Variants in VTI1A observed in about 807,000 individuals in gnomAD.
The protein encoded by VTI1A is vesicle transport through interaction with t-SNAREs 1A.
In VTI1A, 22 loss-of-function variants were observed where a neutral mutation model predicts 34.9. That is an observed-to-expected ratio of 0.63 (90% CI 0.45 to 0.90). The LOEUF (loss-of-function observed/expected upper bound fraction) is 0.90, where lower values mean the gene tolerates loss of function less well. Among genes scored for constraint, VTI1A ranks in the 40% least tolerant of loss-of-function variants. The probability of loss-of-function intolerance (pLI) is 0.00; values close to 1 mark genes in which losing one functional copy is unlikely to be tolerated. For synonymous variants in VTI1A, 87 were observed against 97.3 expected (o/e 0.89, Z 0.62); for missense variants, 268 against 275.6 (o/e 0.97, Z 0.20).
At chr10:112,460,988 T>C (rs768177597) in intron 2 of VTI1A, among the ~76,000 whole-genome samples, 3 of 152,178 alleles carry the variant, frequency 2.0e-5, no homozygotes, top group East Asian at 1.9e-4. Flanking sequence ...ATTTGCAAAC[T>C]CTCAAGTGAC....
the VTI1A span, among the ~76,000 whole-genome samples, chr10:112,843,717 G>A: frequency 1.3e-5 from 2 of 152,144 alleles, no homozygotes; most frequent in African/African-American, 2.4e-5. Flanking sequence ...CCAGCCTCCT[G>A]GAACTCTGCT....
chr10:112,732,400 A>G (rs115426673), intron 7 of VTI1A, among the ~76,000 whole-genome samples: 1,824 of 152,312 alleles, frequency 0.012, 42 homozygotes, highest in African/African-American at 0.042. Flanking sequence ...GAATAGTCCC[A>G]GAGGGGCTGT....
chr10:112,588,715 C>A (rs1844256801), intron 5 of VTI1A, among the ~76,000 whole-genome samples: 1 of 152,160 alleles, frequency 6.6e-6, no homozygotes, highest in Admixed American at 6.5e-5. Context: ...GCCTTGCAAG[C>A]CCGTATTCCT....
chr10:112,683,625 C>T (rs1247257809), intron 7 of VTI1A, among the ~76,000 whole-genome samples: 1 of 152,174 alleles, frequency 6.6e-6, no homozygotes, highest in African/African-American at 2.4e-5. Context: ...AGTCATGTTT[C>T]AAGTTCAATA....
chr10:112,544,037 T>C (rs1850974754), intron 5 of VTI1A, among the ~76,000 whole-genome samples: 1 of 152,216 alleles, frequency 6.6e-6, no homozygotes, highest in African/African-American at 2.4e-5. Context: ...CATTGGTCTA[T>C]ATCTCTGTTT....
intron 5 of VTI1A, among the ~76,000 whole-genome samples, chr10:112,663,230 T>C (rs1393847842): frequency 2.0e-5 from 3 of 152,226 alleles, no homozygotes; most frequent in Non-Finnish European, 4.4e-5. Context: ...CATTTAATGT[T>C]TGACTGATTT....
intron 5 of VTI1A, among the ~76,000 whole-genome samples, chr10:112,584,507 G>T (rs1844073987): frequency 6.6e-6 from 1 of 152,174 alleles, no homozygotes; most frequent in South Asian, 2.1e-4. Context: ...GCTGACTACT[G>T]GGCATCGCTC....
the VTI1A span, among the ~76,000 whole-genome samples, chr10:112,846,598 C>T: frequency 6.6e-6 from 1 of 152,070 alleles, no homozygotes; most frequent in African/African-American, 2.4e-5. Context: ...AACCCCGTCT[C>T]TACTAAAAGT....
At chr10:112,750,640 C>A (rs943677496) in intron 7 of VTI1A, among the ~76,000 whole-genome samples, 3 of 152,126 alleles carry the variant, frequency 2.0e-5, no homozygotes, top group African/African-American at 7.2e-5. Flanking sequence ...CTCCTACAGC[C>A]CAAACTACGA....
At chr10:112,720,746 G>GAT (rs1291119348) in intron 7 of VTI1A, among the ~76,000 whole-genome samples, 4 of 152,160 alleles carry the variant, frequency 2.6e-5, no homozygotes, top group African/African-American at 9.7e-5. Context: ...TAGCGATACG[G>GAT]ATATTAGTGG....
At chr10:112,518,623 G>GTA in intron 3 of VTI1A, among the ~76,000 whole-genome samples, 2 of 138,218 alleles carry the variant, frequency 1.4e-5, no homozygotes, top group East Asian at 4.4e-4. Flanking sequence ...GTGTGTGTGT[G>GTA]TATGTGTATA....
intron 5 of VTI1A, among the ~76,000 whole-genome samples, chr10:112,656,022 A>G (rs1049991487): frequency 4.6e-5 from 7 of 152,232 alleles, no homozygotes; most frequent in African/African-American, 1.7e-4. Flanking sequence ...AAATCTGAGA[A>G]TGAGAGCACT....
chr10:112,605,270 C>T (rs1845033033), intron 5 of VTI1A, among the ~76,000 whole-genome samples: 1 of 152,106 alleles, frequency 6.6e-6, no homozygotes, highest in Admixed American at 6.5e-5. Flanking sequence ...TTCCTTTCAC[C>T]CCTGACGTAT....
intron 5 of VTI1A, among the ~76,000 whole-genome samples, chr10:112,589,984 G>T (rs1318590002): frequency 6.6e-6 from 1 of 152,024 alleles, no homozygotes; most frequent in African/African-American, 2.4e-5. Flanking sequence ...ATTTGTATAG[G>T]GTTTGAAGGG....
chr10:112,485,510 G>T (rs953170406), intron 3 of VTI1A, among the ~76,000 whole-genome samples: 1 of 152,238 alleles, frequency 6.6e-6, no homozygotes, highest in South Asian at 2.1e-4. Flanking sequence ...ACATATGATT[G>T]TCAACTTTTT....
At chr10:112,854,062 C>T in the VTI1A span, among the ~76,000 whole-genome samples, 1 of 152,100 alleles carries the variant, frequency 6.6e-6, no homozygotes, top group East Asian at 1.9e-4. Context: ...CTGGAGGCAG[C>T]TAGCCATGTC....
chr10:112,795,408 T>C (rs963080790), intron 7 of VTI1A, among the ~76,000 whole-genome samples: 1 of 151,728 alleles, frequency 6.6e-6, no homozygotes, highest in Non-Finnish European at 1.5e-5. Flanking sequence ...TGTTCTTTTT[T>C]CTCCTACACA....
intron 7 of VTI1A, among the ~76,000 whole-genome samples, chr10:112,794,306 C>T (rs993469209): frequency 3.3e-5 from 5 of 152,124 alleles, no homozygotes; most frequent in African/African-American, 1.2e-4. Flanking sequence ...CCTGTAATCC[C>T]AGCACTGTGG....
chr10:112,801,543 C>T (rs1390136237), intron 7 of VTI1A, among the ~76,000 whole-genome samples: 2 of 152,208 alleles, frequency 1.3e-5, no homozygotes, highest in Non-Finnish European at 2.9e-5. Context: ...CTAGCTAGTT[C>T]TTCCATCTGA....
Sources: gnomAD v4.1 joint callset for allele counts (sites outside exome capture counted in the v4.1 genomes callset) on GRCh38, gnomAD v4.1.1 for gene constraint, MANE v1.5 for transcripts, NCBI Gene and HGNC (gene_info 2026-07-23, HGNC 2026-07-21) for gene names.